CSMD1: variants seen among roughly 807,000 people sequenced by gnomAD.
The protein encoded by CSMD1 is CUB and sushi domain-containing protein 1.
Under a neutral mutation model 417.5 loss-of-function variants are expected in CSMD1, and 213 were observed. The ratio of observed to expected loss-of-function variants is 0.51; its 90% CI spans 0.46 to 0.57. The LOEUF (loss-of-function observed/expected upper bound fraction) is 0.57. Among genes scored for constraint, CSMD1 ranks in the 20% least tolerant of loss-of-function variants. The probability of loss-of-function intolerance (pLI) is 0.00; values close to 1 mark genes in which losing one functional copy is unlikely to be tolerated. For synonymous variants in CSMD1, 2,862 were observed against 1,736.8 expected (o/e 1.65, Z -16.11); for missense variants, 6,923 against 4,529.7 (o/e 1.53, Z -15.17).
At chr8:3,675,879 A>C (rs542833628) in intron 7 of CSMD1, among the ~76,000 whole-genome samples, 1 of 152,280 alleles carries the variant, frequency 6.6e-6, no homozygotes, top group African/African-American at 2.4e-5. Flanking sequence ...GCTACTTCTC[A>C]TGATTCTGTC....
chr8:4,058,758 T>G lies in CSMD1; in HGVS notation c.416-26659A>C, dbSNP rs565439178. On this transcript the variant is annotated intron_variant, in intron 3 of 69. Coordinates refer to ENST00000635120, the MANE Select transcript of CSMD1 (RefSeq NM_033225.6). ...AAGAGCTAACTATCCTAAATATATA[T>G]GCACCCAATACAGGAGCACCCAGAT... Among the ~76,000 whole-genome samples the G allele has an allele frequency of 3.0e-3, 425 of 143,558 alleles. 2 individuals are homozygous for G. The highest frequency in any genetic ancestry group is 0.011 in the African/African-American group (406 of 38,546). 94.2% of individuals were successfully genotyped at this position (143,558 alleles called of 152,430 possible).
intron 5 of CSMD1, among the ~76,000 whole-genome samples, chr8:3,948,513 A>T (rs912998509): frequency 3.3e-5 from 5 of 152,216 alleles, no homozygotes; most frequent in African/African-American, 4.8e-5. Flanking sequence ...TTGTCTTCTT[A>T]TATTTTCTTT....
At position 4,266,234 on chromosome 8, in the gene CSMD1, T is replaced by A. The variant is rs1285833358; in HGVS notation, c.415+153719A>T. 1.9e-5 allele frequency among the ~76,000 whole-genome samples: 2 copies of A among 105,184 alleles called. 1 individual carries two copies. The highest frequency in any genetic ancestry group is 5.2e-5 in the African/African-American group (2 of 38,460). The allele number at this position is 105,184 out of a possible 152,430, so 69.0% of individuals were successfully genotyped here. ...TTTTCTAAGTGGAATGGTAACACAT[T>A]TCCATACAACTCATTTAAAAATTTA... On this transcript the variant is annotated intron_variant, in intron 3 of 69. Transcript: ENST00000635120.
In CSMD1 at chr8:3,796,030, T is replaced by C. The variant is rs1412047784; in HGVS notation, c.819-41988A>G. Among the ~76,000 whole-genome samples the C allele has an allele frequency of 3.2e-5, 2 of 62,478 alleles. 1 individual carries two copies. The highest frequency in any genetic ancestry group is 7.1e-4 in the East Asian group (2 of 2,822). 41.0% of individuals were successfully genotyped at this position (62,478 alleles called of 152,430 possible). A position where few individuals can be genotyped will look rare whatever the true frequency, so the allele number is the denominator to read the frequency against. On this transcript the variant is annotated intron_variant, in intron 5 of 69. Coordinates refer to ENST00000635120, the MANE Select transcript of CSMD1 (RefSeq NM_033225.6). ...TATATAGATATATATCATGTATAGATATAGATATATATCTATCATAGATAT... is the reference window on the plus strand; with the variant it reads ...TATATAGATATATATCATGTATAGACATAGATATATATCTATCATAGATAT...
At chr8:2,938,818 G>A in intron 69 of CSMD1, 74 bp from the exon 70 acceptor site, 1 of 1,360,254 alleles carries the variant, frequency 7.4e-7, no homozygotes, top group Non-Finnish European at 1.0e-6. Flanking sequence ...CTGTGTGCAG[G>A]AGACAACGTC....
intron 2 of CSMD1, among the ~76,000 whole-genome samples, chr8:4,462,470 T>C (rs572141730): frequency 5.0e-4 from 76 of 152,244 alleles, no homozygotes; most frequent in Non-Finnish European, 9.6e-4. Context: ...TCTGCTGGCT[T>C]ATTTGCGTAC....
chr8:3,440,980 G>C (rs28736728), intron 12 of CSMD1, among the ~76,000 whole-genome samples: 16,302 of 152,148 alleles, frequency 0.11, 1,073 homozygotes, highest in African/African-American at 0.18. Flanking sequence ...ATGGAATGTA[G>C]TTAAACATCC....
At chr8:4,253,040 G>T (rs574831979) in intron 3 of CSMD1, among the ~76,000 whole-genome samples, 11 of 152,328 alleles carry the variant, frequency 7.2e-5, no homozygotes, top group African/African-American at 2.6e-4. Context: ...AATTTTTCAT[G>T]TGCCAACGTC....
At chr8:4,366,251 A>T (rs55941740) in intron 3 of CSMD1, among the ~76,000 whole-genome samples, 16,195 of 101,726 alleles carry the variant, frequency 0.16, 952 homozygotes, top group African/African-American at 0.31. Context: ...AAAAGACGTG[A>T]TTCTTTTTTT....
rs56272726 is a variant in CSMD1 at position 3,709,680 on chromosome 8, G to GTTTTTTT, written c.932-1196_932-1190dup. On this transcript the variant is annotated intron_variant, in intron 6 of 69. Transcript: ENST00000635120. ...GATGGGCTTTAAATTGCAGCAGCAT[G>GTTTTTTT]TTTTTTTTTTTTTTTTTTTTTTTTT... 4.2e-3 allele frequency among the ~76,000 whole-genome samples: 142 copies of GTTTTTTT among 33,674 alleles called. 28 individuals carry two copies. Among genetic ancestry groups the GTTTTTTT allele is most frequent in the Non-Finnish European group, 5.1e-3 (89 of 17,532 alleles). The allele number at this position is 33,674 out of a possible 152,430, so 22.1% of individuals were successfully genotyped here.
chr8:4,260,464 G>C (rs1220778815), intron 3 of CSMD1, among the ~76,000 whole-genome samples: 2 of 152,132 alleles, frequency 1.3e-5, no homozygotes, highest in African/African-American at 4.8e-5. Flanking sequence ...GGGGATGTTA[G>C]TGAACATTGT....
chr8:2,960,508 T>C (rs1466378464), intron 62 of CSMD1, among the ~76,000 whole-genome samples: 2 of 152,218 alleles, frequency 1.3e-5, no homozygotes, highest in Admixed American at 6.5e-5. Context: ...GGTTAAAACA[T>C]TTTATTTCAA....
chr8:4,719,637 T>A (rs1464692761), intron 1 of CSMD1, among the ~76,000 whole-genome samples: 1 of 152,184 alleles, frequency 6.6e-6, no homozygotes, highest in Non-Finnish European at 1.5e-5. Context: ...CTTTTCCTAT[T>A]TTGTTCAAAA....
chr8:4,825,552 G>A (rs998675848), intron 1 of CSMD1, among the ~76,000 whole-genome samples: 2 of 151,492 alleles, frequency 1.3e-5, no homozygotes, highest in East Asian at 1.9e-4. Context: ...GCTTATATGT[G>A]TGTGGCTGTC....
At chr8:3,258,331 A>G (rs1031811318) in intron 26 of CSMD1, among the ~76,000 whole-genome samples, 7 of 152,210 alleles carry the variant, frequency 4.6e-5, no homozygotes, top group African/African-American at 1.2e-4. Flanking sequence ...GTTGCCAACA[A>G]TCGTGGAAAA....
chr8:4,493,380 A>G (rs1396011973), intron 2 of CSMD1, among the ~76,000 whole-genome samples: 1 of 152,176 alleles, frequency 6.6e-6, no homozygotes, highest in Non-Finnish European at 1.5e-5. Flanking sequence ...GTAAAGGATT[A>G]CTACTGATAC....
intron 5 of CSMD1, among the ~76,000 whole-genome samples, chr8:3,973,752 A>AAACC (rs1216169306): frequency 1.3e-5 from 2 of 152,216 alleles, no homozygotes; most frequent in African/African-American, 4.8e-5. Flanking sequence ...ACACTAATGC[A>AAACC]AACCAACCAG....
intron 7 of CSMD1, among the ~76,000 whole-genome samples, chr8:3,691,373 A>AC (rs1800234253): frequency 6.6e-6 from 1 of 151,876 alleles, no homozygotes; most frequent in South Asian, 2.1e-4. Flanking sequence ...TCTCAAAAAA[A>AC]AAAACAAAAC....
chr8:4,649,010 G>A (rs962043895), intron 1 of CSMD1, among the ~76,000 whole-genome samples: 2 of 152,128 alleles, frequency 1.3e-5, no homozygotes, highest in East Asian at 3.9e-4. Flanking sequence ...TATCTATACT[G>A]CGGTTATATA....
Sources: gnomAD v4.1 joint callset for allele counts (sites outside exome capture counted in the v4.1 genomes callset) on GRCh38, gnomAD v4.1.1 for gene constraint, MANE v1.5 for transcripts, NCBI Gene and HGNC (gene_info 2026-07-23, HGNC 2026-07-21) for gene names.